Variants in FKBP3 observed in about 807,000 individuals in gnomAD.
FKBP3 encodes FKBP prolyl isomerase 3.
FKBP3 carries 21 observed loss-of-function variants against 30.6 expected under a neutral mutation model. The observed-to-expected ratio is 0.69, with a 90% confidence interval of 0.49 to 0.99. The LOEUF is 0.99. FKBP3 is among the 50% of genes least tolerant of loss of function. FKBP3 has a pLI of 0.00. For synonymous variants in FKBP3, 82 were observed against 91.3 expected, an observed-to-expected ratio of 0.90 and a Z score of 0.58; for missense variants, 283 against 261.6, an observed-to-expected ratio of 1.08 and a Z score of -0.56.
At position 45,121,605 on chromosome 14, in the gene FKBP3, T is replaced by C. The variant is rs757546562; in HGVS notation, c.334A>G (p.Thr112Ala). ...TCTCCCTTTTTCAGAACAGATTTAG[T>C]ATATTTTGGTGGACCCTAAAAACAA... ...ETLDEGPPKYTKSVLKKGDKT... is the reference protein window; with the variant it reads ...ETLDEGPPKYAKSVLKKGDKT... Residue 112 changes from threonine (T) to alanine (A), a missense_variant, in exon 4 of 7, where the codon ACT (threonine) becomes GCT (alanine). Thr to Ala is a moderately conservative substitution (Grantham distance 58). Coordinates refer to ENST00000396062, the MANE Select transcript of FKBP3 (RefSeq NM_002013.4). The C allele has an allele frequency of 6.2e-7, 1 of 1,613,522 alleles. No individual in the cohort carries two copies. Among genetic ancestry groups the C allele is most frequent in the African/African-American group, 1.3e-5 (1 of 75,020 alleles).
chr14:45,131,426 G>C (rs2139088633), intron 1 of FKBP3, among the ~76,000 whole-genome samples: 1 of 152,048 alleles, frequency 6.6e-6, no homozygotes, highest in East Asian at 1.9e-4. Flanking sequence ...GAGGTCAGGA[G>C]TTTGAGACCA....
chr14:45,128,498 T>C (rs1268346273), intron 3 of FKBP3, among the ~76,000 whole-genome samples: 2 of 152,198 alleles, frequency 1.3e-5, no homozygotes, highest in African/African-American at 2.4e-5. Context: ...GCTTGGCTAA[T>C]ATTAAGCATG....
At position 45,117,788 on chromosome 14, in the gene FKBP3, G is replaced by A. The variant is rs192624345; in HGVS notation, c.620+240C>T. ...GCTTAAACTTCACAGTTAAGGTCTT[G>A]AAAGTTAAGAATTTGAATAAGAGAA... On this transcript the variant is annotated intron_variant, in intron 6 of 6. Transcript: ENST00000396062. 1.2e-3 allele frequency among the ~76,000 whole-genome samples: 184 copies of A among 152,296 alleles called. 1 individual carries two copies. Among genetic ancestry groups the A allele is most frequent in the African/African-American group, 4.3e-3 (177 of 41,556 alleles).
chr14:45,129,375 T>C (rs1039422705), intron 3 of FKBP3, among the ~76,000 whole-genome samples: 1 of 152,190 alleles, frequency 6.6e-6, no homozygotes, highest in African/African-American at 2.4e-5. Context: ...CTGAGACAGA[T>C]GAACCCACAT....
intron 1 of FKBP3, among the ~76,000 whole-genome samples, chr14:45,132,542 C>T (rs1302367204): frequency 6.6e-6 from 1 of 151,934 alleles, no homozygotes; most frequent in Non-Finnish European, 1.5e-5. Context: ...GGATTAGAGG[C>T]GCCCACCACC....
In FKBP3 at chr14:45,127,115, C is replaced by CTTTTTTTTTTTTTTTTTTTTTTTT. The variant is rs1231283034; in HGVS notation, c.318+2678_318+2679insAAAAAAAAAAAAAAAAAAAAAAAA. Among the ~76,000 whole-genome samples the CTTTTTTTTTTTTTTTTTTTTTTTT allele has an allele frequency of 1.2e-3, 143 of 120,624 alleles. 5 individuals carry two copies. The highest frequency in any genetic ancestry group is 4.0e-3 in the African/African-American group (109 of 26,944). The allele number at this position is 120,624 out of a possible 152,430, so 79.1% of individuals were successfully genotyped here. On this transcript the variant is annotated intron_variant, in intron 3 of 6. Transcript: ENST00000396062. ...AGCCACTGTACCTGACTGACCCTGT[C>CTTTTTTTTTTTTTTTTTTTTTTTT]TTTTTTTTTTTTTTTGAGACAGAGT... is the stretch of plus-strand genomic sequence containing the variant.
Position 45,118,031 on chromosome 14 carries a change from G to T in FKBP3, c.617C>A (p.Ala206Asp). 6.3e-7 allele frequency: 1 copy of T among 1,584,576 alleles called. No individual in the cohort carries two copies. The highest frequency in any genetic ancestry group is 8.6e-7 in the Non-Finnish European group (1 of 1,165,806). The part of the protein sequence containing the change: ...WAYGKKGQPD[A>D]KIPPNAKLTF... ...TATGAAGGGGAAAAAAGGATACTTG[G>T]CATCAGGCTGTCCTTTCTTTCCGTA... is the stretch of plus-strand genomic sequence containing the variant. Residue 206 changes from alanine (A) to aspartate (D), a missense_variant, in exon 6 of 7, where the codon GCC becomes GAC. Ala to Asp is a moderately radical substitution (Grantham distance 126). Transcript: ENST00000396062.
At chr14:45,124,999 C>T (rs1160535061) in intron 3 of FKBP3, among the ~76,000 whole-genome samples, 3 of 151,570 alleles carry the variant, frequency 2.0e-5, no homozygotes, top group Admixed American at 2.0e-4. Flanking sequence ...TCACTGCAAC[C>T]TCTGTTTCCC....
chr14:45,118,493 C>T (rs1037727532), intron 5 of FKBP3, among the ~76,000 whole-genome samples: 5 of 151,570 alleles, frequency 3.3e-5, no homozygotes, highest in Non-Finnish European at 7.4e-5. Flanking sequence ...TAGCTGGGTG[C>T]GGTGGTGGGT....
intron 5 of FKBP3, 21 bp downstream of exon 5, chr14:45,120,866 T>C (rs1183106223): frequency 1.3e-6 from 2 of 1,583,816 alleles, no homozygotes; most frequent in African/African-American, 2.7e-5. Context: ...ATCTACTGAT[T>C]CATTGGCATT....
chr14:45,127,170 A>G (rs903338265), intron 3 of FKBP3, among the ~76,000 whole-genome samples: 6 of 144,662 alleles, frequency 4.1e-5, no homozygotes, highest in Admixed American at 6.9e-5. Context: ...CTGGAGTACA[A>G]TGGTGCGATC....
intron 1 of FKBP3, 173 bp from the exon 2 acceptor site, chr14:45,130,973 A>T (rs533962066): frequency 1.0e-5 from 5 of 483,948 alleles, no homozygotes; most frequent in Admixed American, 3.8e-5. Flanking sequence ...GAGATTTTTT[A>T]AAAATTCGGT....
intron 6 of FKBP3, 45 bp downstream of exon 6, chr14:45,117,983 G>A (rs963431963): frequency 1.9e-6 from 2 of 1,053,634 alleles, no homozygotes; most frequent in Non-Finnish European, 2.7e-6. Context: ...TGATCTAGAC[G>A]TTTTTTTTTT....
intron 3 of FKBP3, among the ~76,000 whole-genome samples, chr14:45,127,130 T>TTTTTTTTTTTA (rs1885118130): frequency 4.1e-5 from 6 of 145,610 alleles, no homozygotes; most frequent in African/African-American, 1.3e-4. Flanking sequence ...TTTTTTTTTT[T>TTTTTTTTTTTA]GAGACAGAGT....
At chr14:45,125,418 A>G (rs1885075141) in intron 3 of FKBP3, among the ~76,000 whole-genome samples, 1 of 152,236 alleles carries the variant, frequency 6.6e-6, no homozygotes, top group South Asian at 2.1e-4. Context: ...GGTAATAACT[A>G]CATATGAAGC....
intron 1 of FKBP3, among the ~76,000 whole-genome samples, 176 bp downstream of exon 1, chr14:45,134,173 C>T (rs1048267451): frequency 6.6e-6 from 1 of 152,242 alleles, no homozygotes; most frequent in Non-Finnish European, 1.5e-5. Context: ...GTAGAGAACG[C>T]CCGAGAGGCG....
In FKBP3 at chr14:45,121,065, A is replaced by G. The variant is rs895402014; in HGVS notation, c.455-111T>C. On this transcript the variant is annotated intron_variant, in intron 4 of 6. Coordinates refer to ENST00000396062, the MANE Select transcript of FKBP3 (RefSeq NM_002013.4). Reference sequence around the variant, plus strand: ...GAAAAATATAGTGGTTTGATTTCAGAATTACAATACTATGTATTTTAAAAG... The same window carrying G: ...GAAAAATATAGTGGTTTGATTTCAGGATTACAATACTATGTATTTTAAAAG... The G allele has an allele frequency of 1.6e-5, 14 of 866,242 alleles. No individual in the cohort carries two copies. In the Admixed American group the frequency reaches 2.1e-4, roughly 13 times the overall value. The allele number at this position is 866,242 out of a possible 1,614,324, so 53.7% of individuals were successfully genotyped here. A position where few individuals can be genotyped will look rare whatever the true frequency, so the allele number is the denominator to read the frequency against.
chr14:45,131,430 G>A (rs1317405699), intron 1 of FKBP3, among the ~76,000 whole-genome samples: 1 of 151,910 alleles, frequency 6.6e-6, no homozygotes, highest in Non-Finnish European at 1.5e-5. Flanking sequence ...TCAGGAGTTT[G>A]AGACCAGCCT....
intron 3 of FKBP3, among the ~76,000 whole-genome samples, chr14:45,124,707 G>A (rs1329846139): frequency 7.3e-5 from 11 of 151,296 alleles, no homozygotes; most frequent in Admixed American, 3.3e-4. Context: ...CCAAAGTGCT[G>A]GATTACAGGC....
Sources: gnomAD v4.1 joint callset for allele counts (sites outside exome capture counted in the v4.1 genomes callset) on GRCh38, gnomAD v4.1.1 for gene constraint, MANE v1.5 for transcripts, NCBI Gene and HGNC (gene_info 2026-07-23, HGNC 2026-07-21) for gene names.